The following PCDH15 variants were observed in gnomAD, a reference collection of about 807,000 sequenced individuals.
PCDH15 encodes protocadherin-15.
A neutral mutation model predicts 178.5 loss-of-function variants in PCDH15; 129 were observed. The ratio of observed to expected loss-of-function variants is 0.72; its 90% CI spans 0.63 to 0.84. The LOEUF (loss-of-function observed/expected upper bound fraction) is 0.84, where lower values mean the gene tolerates loss of function less well. Among genes scored for constraint, PCDH15 ranks in the 40% least tolerant of loss-of-function variants. PCDH15 has a pLI of 0.00. For synonymous variants in PCDH15, 800 were observed against 732.0 expected, an observed-to-expected ratio of 1.09 and a Z score of -1.50; for missense variants, 2,230 against 2,099.9, an observed-to-expected ratio of 1.06 and a Z score of -1.21.
intron 5 of PCDH15, among the ~76,000 whole-genome samples, chr10:54,356,238 C>T (rs1444070605): frequency 6.6e-6 from 1 of 151,894 alleles, no homozygotes; most frequent in Non-Finnish European, 1.5e-5. Flanking sequence ...AACATTCATG[C>T]ACAAAGTCTA....
intron 3 of PCDH15, among the ~76,000 whole-genome samples, chr10:54,890,895 T>C (rs1313713364): frequency 1.3e-5 from 2 of 152,064 alleles, no homozygotes; most frequent in African/African-American, 4.8e-5. Flanking sequence ...GCTGCTGTAA[T>C]TCAGTCTTCA....
chr10:54,777,128 G>A (rs1476858627), intron 1 of PCDH15, among the ~76,000 whole-genome samples: 1 of 152,068 alleles, frequency 6.6e-6, no homozygotes, highest in Non-Finnish European at 1.5e-5. Context: ...CTGGAATATG[G>A]GTATTTACGA....
At chr10:54,913,030 G>A (rs576695083) in intron 2 of PCDH15, among the ~76,000 whole-genome samples, 18 of 152,262 alleles carry the variant, frequency 1.2e-4, no homozygotes, top group African/African-American at 4.3e-4. Flanking sequence ...GAACTTATAT[G>A]TAAAAAGAAA....
intron 14 of PCDH15, among the ~76,000 whole-genome samples, chr10:54,148,687 C>A (rs1331923606): frequency 1.3e-5 from 2 of 151,676 alleles, no homozygotes; most frequent in Non-Finnish European, 2.9e-5. Context: ...CCATGTGCAC[C>A]CCTATTGACA....
intron 3 of PCDH15, among the ~76,000 whole-genome samples, chr10:54,885,399 T>A (rs1954338640): frequency 6.6e-6 from 1 of 152,044 alleles, no homozygotes; most frequent in Non-Finnish European, 1.5e-5. Flanking sequence ...ACAAGTGATA[T>A]TAGCATTAAA....
At chr10:55,474,226 C>G (rs938676044) in intron 2 of PCDH15, among the ~76,000 whole-genome samples, 6 of 152,092 alleles carry the variant, frequency 3.9e-5, no homozygotes, top group African/African-American at 1.4e-4. Context: ...AGCATCCAGA[C>G]AGAAGAGAAA....
At chr10:54,716,774 G>A (rs1410653624) in intron 1 of PCDH15, among the ~76,000 whole-genome samples, 4 of 151,334 alleles carry the variant, frequency 2.6e-5, no homozygotes, top group Non-Finnish European at 5.9e-5. Flanking sequence ...AAGTTCATAT[G>A]GAACCAAAAA....
chr10:54,750,588 T>A (rs942253017), intron 1 of PCDH15, among the ~76,000 whole-genome samples: 3 of 152,110 alleles, frequency 2.0e-5, no homozygotes, highest in African/African-American at 7.2e-5. Context: ...AGACAATAAG[T>A]TGGAGGCAAT....
chr10:54,841,701 G>GA (rs1241023702), intron 3 of PCDH15, among the ~76,000 whole-genome samples: 2 of 151,454 alleles, frequency 1.3e-5, no homozygotes, highest in African/African-American at 2.4e-5. Context: ...AATTTTAACT[G>GA]AAAAAAATTT....
intron 21 of PCDH15, among the ~76,000 whole-genome samples, chr10:53,989,100 T>G (rs2091299995): frequency 6.6e-6 from 1 of 152,162 alleles, no homozygotes. Context: ...TGGCCGCCTA[T>G]GAGTGGTTAA....
chr10:54,165,697 C>T lies in PCDH15; in HGVS notation c.1591-12404G>A, dbSNP rs1167457892. Among the ~76,000 whole-genome samples, 3 of 152,272 alleles carry T rather than the reference C, an allele frequency of 2.0e-5. No homozygotes were observed. The East Asian group carries it at 5.8e-4, about 29-fold the overall frequency. ...TAGCTTTAACCCATCGATTTAAGGA[C>T]CCAGTCTTTCATACTTCTTCAAGAA... On this transcript the variant is annotated intron_variant, in intron 13 of 37. Transcript: ENST00000644397.
At chr10:54,093,921 T>A (rs2094647283) in intron 15 of PCDH15, among the ~76,000 whole-genome samples, 1 of 152,298 alleles carries the variant, frequency 6.6e-6, no homozygotes, top group East Asian at 1.9e-4. Context: ...AAATTGCTTC[T>A]TTTTAGTGAA....
chr10:55,600,927 G>T (rs1843062975), intron 2 of PCDH15, among the ~76,000 whole-genome samples: 1 of 151,992 alleles, frequency 6.6e-6, no homozygotes, highest in Admixed American at 6.6e-5. Flanking sequence ...CAGACTGTCT[G>T]GGAGTTGTGG....
intron 2 of PCDH15, chr10:55,506,083 T>A (rs1330760195): frequency 6.6e-6 from 1 of 151,404 alleles, no homozygotes; most frequent in Non-Finnish European, 1.5e-5. Context: ...GATACAAGAA[T>A]GATGACACTG....
intron 2 of PCDH15, among the ~76,000 whole-genome samples, chr10:55,083,191 A>C (rs1191525271): frequency 6.6e-6 from 1 of 151,976 alleles, no homozygotes; most frequent in African/African-American, 2.4e-5. Flanking sequence ...ACACATTAAA[A>C]AGATAATTTA....
At chr10:55,341,876 T>G (rs1203310846) in intron 2 of PCDH15, among the ~76,000 whole-genome samples, 2 of 140,004 alleles carry the variant, frequency 1.4e-5, no homozygotes, top group Non-Finnish European at 3.1e-5. Context: ...GGTATCCATC[T>G]GACCTTGTGA....
At chr10:55,173,585 T>C (rs1839400475) in intron 1 of PCDH15, among the ~76,000 whole-genome samples, 1 of 152,100 alleles carries the variant, frequency 6.6e-6, no homozygotes, top group Non-Finnish European at 1.5e-5. Flanking sequence ...AATTATCAAC[T>C]TTCTCAATTT....
intron 5 of PCDH15, among the ~76,000 whole-genome samples, chr10:54,363,766 G>A (rs1946398718): frequency 6.6e-6 from 1 of 152,064 alleles, no homozygotes; most frequent in Non-Finnish European, 1.5e-5. Context: ...ACCAAAACAT[G>A]AGAGTATATT....
rs375049086 is a variant in PCDH15 at position 55,538,846 on chromosome 10, TTTCC to T, written c.-156+88775_-156+88778del. Among the ~76,000 whole-genome samples, 6 of 11,282 alleles carry T rather than the reference TTTCC, an allele frequency of 5.3e-4. 1 individual carries two copies. The highest frequency in any genetic ancestry group is 3.8e-3 in the South Asian group (1 of 262). The allele number at this position is 11,282 out of a possible 152,430, so 7.4% of individuals were successfully genotyped here. A position where few individuals can be genotyped will look rare whatever the true frequency, so the allele number is the denominator to read the frequency against. The stretch of plus-strand genomic sequence containing the variant: ...CCTTCCTCCTCTCGTTCCTTCCTCC[TTTCC>T]TTCCTTCCTTCCTCCTTTCCTTCCT... On this transcript the variant is annotated intron_variant, in intron 2 of 5. Coordinates refer to the PCDH15 transcript ENST00000613346.
Sources: gnomAD v4.1 joint callset for allele counts (sites outside exome capture counted in the v4.1 genomes callset) on GRCh38, gnomAD v4.1.1 for gene constraint, MANE v1.5 for transcripts, NCBI Gene and HGNC (gene_info 2026-07-23, HGNC 2026-07-21) for gene names.